Variants in ODF2 observed in about 807,000 individuals in gnomAD.
The protein encoded by ODF2 is outer dense fiber of sperm tails 2, also known as outer dense fiber protein 2.
A neutral mutation model predicts 110.2 loss-of-function variants in ODF2; 47 were observed. The observed-to-expected ratio is 0.43, with a 90% CI of 0.34 to 0.54. The LOEUF (loss-of-function observed/expected upper bound fraction) is 0.54, where lower values mean the gene tolerates loss of function less well. Ranked by LOEUF, ODF2 falls within the 20% of genes least tolerant of loss-of-function variation. The pLI is 0.03. For synonymous variants in ODF2, 352 were observed against 397.7 expected (o/e 0.89, Z 1.37); for missense variants, 812 against 1,054.5 (o/e 0.77, Z 3.19).
chr9:128,472,281 C>T (rs1416899406), intron 6 of ODF2, among the ~76,000 whole-genome samples: 1 of 152,188 alleles, frequency 6.6e-6, no homozygotes, highest in Admixed American at 6.5e-5. Context: ...GATCCTGGCT[C>T]ACTGCAATGT....
intron 3 of ODF2, 141 bp from the exon 3 acceptor site, chr9:128,460,403 TGCCTGC>T: frequency 9.0e-6 from 13 of 1,440,386 alleles, no homozygotes; most frequent in Non-Finnish European, 1.2e-5. Context: ...CCTTACTCCC[TGCCTGC>T]ATGCCAGTAG....
Position 128,485,249 on chromosome 9 carries a change from C to T in ODF2, c.1291-116C>T. 1.6e-6 allele frequency: 1 copy of T among 637,642 alleles called. No homozygotes were observed. The highest frequency in any genetic ancestry group is 4.3e-4 in the Middle Eastern group (1 of 2,338). 39.5% of individuals were successfully genotyped at this position (637,642 alleles called of 1,614,324 possible). On this transcript the variant is annotated intron_variant, in intron 12 of 20. Coordinates refer to ENST00000604420, the Ensembl canonical transcript of ODF2. The surrounding 1 kb of genome is among the most constrained non-coding windows in gnomAD (Gnocchi z 5.0). ...CAGCGCCCTCTAGAAAGGTGAATTC[C>T]AGAATGAGGTTTAGGTTACCAGGGT...
intron 4 of ODF2, 142 bp from the exon 5 acceptor site, chr9:128,469,041 G>A: frequency 4.5e-6 from 3 of 671,438 alleles, no homozygotes; most frequent in Non-Finnish European, 7.8e-6. Flanking sequence ...CATCACAAGG[G>A]TTCAGAGTAT....
At chr9:128,460,118 G>A (rs1165701744) in intron 3 of ODF2, 1 of 1,293,054 alleles carries the variant, frequency 7.7e-7, no homozygotes, top group Non-Finnish European at 1.0e-6. Context: ...TCTGCACCCT[G>A]AGCATTTTGT....
chr9:128,458,485 C>G (rs1164050170), intron 2 of ODF2, among the ~76,000 whole-genome samples: 1 of 148,574 alleles, frequency 6.7e-6, no homozygotes, highest in South Asian at 2.1e-4. Context: ...AAAAAAAGGC[C>G]AGGAGATGGA....
upstream of ODF2, among the ~76,000 whole-genome samples, chr9:128,455,795 C>G (rs1197521016): frequency 6.6e-6 from 1 of 152,092 alleles, no homozygotes; most frequent in Non-Finnish European, 1.5e-5. Context: ...CATGGGTCCT[C>G]TGTGAGCCTA....
intron 14 of ODF2, among the ~76,000 whole-genome samples, chr9:128,491,663 C>CA (rs886245357): frequency 1.2e-4 from 18 of 147,404 alleles, no homozygotes; most frequent in East Asian, 6.1e-4. Flanking sequence ...GACTCCATCT[C>CA]AAAAAAAAAT....
intron 8 of ODF2, among the ~76,000 whole-genome samples, chr9:128,480,343 C>T (rs1842160308): frequency 6.6e-6 from 1 of 152,168 alleles, no homozygotes; most frequent in Non-Finnish European, 1.5e-5. Flanking sequence ...AAAGTGACCA[C>T]CTCAATCAAG....
intron 3 of ODF2, chr9:128,460,061 C>T: frequency 9.3e-7 from 1 of 1,073,514 alleles, no homozygotes; most frequent in Non-Finnish European, 1.3e-6. Context: ...GGATTTCCTT[C>T]AGCTTTCTGT....
At chr9:128,493,027 T>C (rs79501082) in intron 16 of ODF2, among the ~76,000 whole-genome samples, 1 of 151,678 alleles carries the variant, frequency 6.6e-6, no homozygotes, top group African/African-American at 2.4e-5. Flanking sequence ...GCTTTGTCTT[T>C]TTTTTTTTTT....
intron 5 of ODF2, among the ~76,000 whole-genome samples, chr9:128,469,845 G>T (rs1009090506): frequency 6.7e-6 from 1 of 149,348 alleles, no homozygotes; most frequent in South Asian, 2.1e-4. Context: ...TTAGCCATGC[G>T]TGGTGGCGTG....
At chr9:128,482,304 G>C (rs1016324829) in intron 9 of ODF2, among the ~76,000 whole-genome samples, 4 of 152,234 alleles carry the variant, frequency 2.6e-5, no homozygotes, top group African/African-American at 9.6e-5. Flanking sequence ...GATGCAGCAA[G>C]CTCGGCGATA....
chr9:128,476,684 C>A (rs1841346301), intron 8 of ODF2, among the ~76,000 whole-genome samples: 1 of 150,602 alleles, frequency 6.6e-6, no homozygotes, highest in Non-Finnish European at 1.5e-5. Flanking sequence ...GTCGCCCAGG[C>A]TAGAGTGCAG....
upstream of ODF2, among the ~76,000 whole-genome samples, chr9:128,455,553 CAAAAAAAAAAAAAAAAAAAA>C (rs55634490): frequency 2.8e-3 from 160 of 56,838 alleles, 4 homozygotes; most frequent in Middle Eastern, 8.9e-3. Context: ...GAATCTGTCT[CAAAAAAAAAAAAAAAAAAAA>C]AAAAAAAAAA....
exon 8 of ODF2, chr9:128,473,705 C>T: frequency 1.2e-6 from 2 of 1,613,776 alleles, no homozygotes; most frequent in Non-Finnish European, 1.7e-6. Context: ...CCAACCGCAC[C>T]CTCCGAGACC....
intron 18 of ODF2, among the ~76,000 whole-genome samples, chr9:128,497,087 C>A (rs1371104324): frequency 6.6e-6 from 1 of 151,850 alleles, no homozygotes; most frequent in African/African-American, 2.4e-5. Flanking sequence ...TGGTAAAGGT[C>A]CTAGCATGTT....
At chr9:128,460,364 C>T (rs1457452422) in intron 3 of ODF2, 186 bp from the exon 3 acceptor site, 2 of 1,423,544 alleles carry the variant, frequency 1.4e-6, no homozygotes, top group African/African-American at 2.9e-5. Context: ...GCTGGGATCT[C>T]TGCAGGAGCC....
intron 18 of ODF2, chr9:128,497,446 A>AT (rs1306199441): frequency 2.8e-4 from 12 of 42,584 alleles, no homozygotes; most frequent in East Asian, 1.0e-3. Flanking sequence ...AAAAAAAAAA[A>AT]ATATATATAT....
chr9:128,479,213 T>C (rs577860766), intron 8 of ODF2, among the ~76,000 whole-genome samples: 1 of 152,246 alleles, frequency 6.6e-6, no homozygotes, highest in South Asian at 2.1e-4. Context: ...TCTGGGCTTA[T>C]GAAGGGGATC....
Sources: allele counts gnomAD v4.1 joint callset (sites outside exome capture counted in the v4.1 genomes callset), GRCh38; gene constraint gnomAD v4.1.1; non-coding constraint Gnocchi (gnomAD v3.1); transcripts MANE v1.5; gene names NCBI Gene and HGNC (gene_info 2026-07-23, HGNC 2026-07-21).